STK39: variants seen among roughly 807,000 people sequenced by gnomAD.
The protein encoded by STK39 is serine/threonine kinase 39, also known as STE20/SPS1-related proline-alanine-rich protein kinase.
A neutral mutation model predicts 77.8 loss-of-function variants in STK39; 20 were observed. The ratio of observed to expected loss-of-function variants is 0.26; its 90% confidence interval spans 0.18 to 0.37. The LOEUF is 0.37. Among genes scored for constraint, STK39 ranks in the 10% least tolerant of loss-of-function variants. The probability of loss-of-function intolerance (pLI) is 1.00; values close to 1 mark genes in which losing one functional copy is unlikely to be tolerated. For synonymous variants in STK39, 246 were observed against 234.1 expected, an observed-to-expected ratio of 1.05 and a Z score of -0.47; for missense variants, 479 against 656.5, an observed-to-expected ratio of 0.73 and a Z score of 2.95.
At position 168,163,979 on chromosome 2, in the gene STK39, T is replaced by C. The variant is rs192450985; in HGVS notation, c.431-99A>G. ...AAAATTTAATAGAAACATCAAAATATGGGCTTTATTTAATGCAAATATTCC... is the reference window on the plus strand; with the variant it reads ...AAAATTTAATAGAAACATCAAAATACGGGCTTTATTTAATGCAAATATTCC... On this transcript the variant is annotated intron_variant, in intron 3 of 17. Coordinates refer to ENST00000355999, the MANE Select transcript of STK39 (RefSeq NM_013233.3). 3.5e-3 allele frequency: 5,165 copies of C among 1,455,276 alleles called. 18 individuals carry two copies. Among genetic ancestry groups the C allele is most frequent in the Middle Eastern group, 6.5e-3 (31 of 4,748 alleles). 90.1% of individuals were successfully genotyped at this position (1,455,276 alleles called of 1,614,324 possible).
chr2:168,199,287 T>C (rs1035893774), intron 1 of STK39, among the ~76,000 whole-genome samples: 2 of 152,202 alleles, frequency 1.3e-5, no homozygotes, highest in African/African-American at 2.4e-5. Flanking sequence ...TCCCTGTTTT[T>C]ATTTGCTAAC....
At chr2:168,177,379 T>C (rs1490580171) in intron 2 of STK39, among the ~76,000 whole-genome samples, 1 of 152,150 alleles carries the variant, frequency 6.6e-6, no homozygotes, top group Non-Finnish European at 1.5e-5. Flanking sequence ...TGAGGCTGAA[T>C]TTTCTGTGAA....
Position 168,056,498 on chromosome 2 carries a change from A to G in STK39, c.1376+7002T>C, listed in dbSNP as rs540986562. On this transcript the variant is annotated intron_variant, in intron 14 of 17. Coordinates refer to ENST00000355999, the MANE Select transcript of STK39 (RefSeq NM_013233.3). ...TAAGGACTGAGGAAGGGCTGGCCTGAACTAAAGTCTCCTACCTACTAGCCT... is the reference window on the plus strand; with the variant it reads ...TAAGGACTGAGGAAGGGCTGGCCTGGACTAAAGTCTCCTACCTACTAGCCT... 2.4e-4 allele frequency among the ~76,000 whole-genome samples: 36 copies of G among 152,304 alleles called. No individual in the cohort carries two copies. The South Asian group carries it at 7.1e-3, about 30-fold the overall frequency.
chr2:168,167,703 GC>G lies in STK39; in HGVS notation c.322-297del, dbSNP rs1688725059. Among the ~76,000 whole-genome samples the G allele has an allele frequency of 2.0e-5, 3 of 152,168 alleles. No homozygotes were observed. The South Asian group carries it at 6.2e-4, about 32-fold the overall frequency. On this transcript the variant is annotated intron_variant, in intron 2 of 17. Coordinates refer to ENST00000355999, the MANE Select transcript of STK39 (RefSeq NM_013233.3). ...GACCCCCCAACTCTGCCAGCAGAGA[GC>G]CCTGCCACATAGGACTAAGAGCCTC... is the stretch of plus-strand genomic sequence containing the variant.
In STK39 at chr2:168,164,534, G is replaced by A. The variant is rs138022966; in HGVS notation, c.431-654C>T. ...CGATCCTCCCACCTCAGCCTCCCAA[G>A]TAGCTGGGACTACAAGTACGTGCCA... On this transcript the variant is annotated intron_variant, in intron 3 of 17. Coordinates refer to ENST00000355999, the MANE Select transcript of STK39 (RefSeq NM_013233.3). Among the ~76,000 whole-genome samples, 992 of 152,226 alleles carry A rather than the reference G, an allele frequency of 6.5e-3. 9 individuals are homozygous for A. Among genetic ancestry groups the A allele is most frequent in the African/African-American group, 0.023 (947 of 41,550 alleles).
At chr2:168,233,422 A>C (rs1327370423) in intron 1 of STK39, among the ~76,000 whole-genome samples, 19 of 152,090 alleles carry the variant, frequency 1.2e-4, no homozygotes, top group Admixed American at 1.2e-3. Flanking sequence ...AAACCCACTT[A>C]ATCTCCCTAC....
At chr2:167,998,220 G>A (rs1490952445) in intron 16 of STK39, among the ~76,000 whole-genome samples, 2 of 152,154 alleles carry the variant, frequency 1.3e-5, no homozygotes, top group African/African-American at 4.8e-5. Context: ...CCCTCTATCC[G>A]GTTCACCCGG....
At chr2:168,119,127 T>C (rs576240482) in intron 10 of STK39, among the ~76,000 whole-genome samples, 1 of 152,268 alleles carries the variant, frequency 6.6e-6, no homozygotes, top group African/African-American at 2.4e-5. Context: ...AGGCACATGG[T>C]CGGTTTTAAG....
At chr2:168,215,493 C>T (rs926206764) in intron 1 of STK39, among the ~76,000 whole-genome samples, 1 of 152,174 alleles carries the variant, frequency 6.6e-6, no homozygotes, top group African/African-American at 2.4e-5. Flanking sequence ...CTCCTTGGAC[C>T]TTCTGACTCC....
chr2:168,146,576 C>T (rs1434650189), intron 5 of STK39, among the ~76,000 whole-genome samples: 1 of 152,158 alleles, frequency 6.6e-6, no homozygotes, highest in African/African-American at 2.4e-5. Context: ...TTCTTTTCCA[C>T]AGAGGCCATT....
chr2:168,062,344 A>G (rs1685686195), intron 14 of STK39, among the ~76,000 whole-genome samples: 1 of 152,238 alleles, frequency 6.6e-6, no homozygotes, highest in Admixed American at 6.5e-5. Context: ...TTCGAAAGTC[A>G]AACAAAAAGG....
intron 14 of STK39, among the ~76,000 whole-genome samples, chr2:168,021,974 G>T (rs762004379): frequency 2.6e-5 from 4 of 152,054 alleles, no homozygotes; most frequent in Non-Finnish European, 4.4e-5. Flanking sequence ...GCATGTACCA[G>T]CAAATATACA....
At chr2:168,207,260 TAC>T (rs1456694258) in intron 1 of STK39, among the ~76,000 whole-genome samples, 2 of 152,240 alleles carry the variant, frequency 1.3e-5, no homozygotes, top group Admixed American at 6.5e-5. Flanking sequence ...GTTGTTGCAT[TAC>T]AGTTTCAATT....
At chr2:168,189,669 T>C (rs1689291213) in intron 1 of STK39, among the ~76,000 whole-genome samples, 1 of 152,224 alleles carries the variant, frequency 6.6e-6, no homozygotes, top group Admixed American at 6.5e-5. Context: ...TGGAATTTAC[T>C]TCTAGGCATT....
intron 5 of STK39, among the ~76,000 whole-genome samples, chr2:168,147,680 G>C (rs1373196736): frequency 2.0e-5 from 3 of 152,178 alleles, no homozygotes; most frequent in Non-Finnish European, 4.4e-5. Context: ...TGGCCTTGCA[G>C]TGAGAGCTAA....
In STK39 at chr2:168,247,361, C is replaced by G. The variant is rs1690958698; in HGVS notation, c.75G>C (p.Ala25=). Residue 25 remains alanine (A), a synonymous_variant, in exon 1 of 18, where the codon GCG becomes GCC. Coordinates refer to ENST00000355999, the MANE Select transcript of STK39 (RefSeq NM_013233.3). The stretch of plus-strand genomic sequence containing the variant: ...CTGCTGTCGCGGCCGCCGGGGCCGC[C>G]GCCGCCGCCGCTGTCACCGGGGCCG... ...QQAAPVTAAA[A]AAPAAATAAP... is the part of the protein sequence containing the mutation. 9.3e-7 allele frequency: 1 copy of G among 1,075,556 alleles called. No homozygotes were observed. The highest frequency in any genetic ancestry group is 1.1e-6 in the Non-Finnish European group (1 of 887,166). 66.6% of individuals were successfully genotyped at this position (1,075,556 alleles called of 1,614,324 possible).
At position 167,954,752 on chromosome 2, in the gene STK39, T is replaced by C. The variant is rs1305162355; in HGVS notation, c.*744A>G. The C allele has an allele frequency of 2.0e-5, 3 of 152,634 alleles. No individual in the cohort carries two copies. Among genetic ancestry groups the C allele is most frequent in the African/African-American group, 7.2e-5 (3 of 41,452 alleles). 9.5% of individuals were successfully genotyped at this position (152,634 alleles called of 1,614,324 possible). On this transcript the variant is annotated 3_prime_UTR_variant, in exon 18 of 18. Transcript: ENST00000355999. ...TCCCAAGAGACAGTCAGATTGTAAA[T>C]TGGTTTTTAGGCAAACAGACTAAAA...
chr2:168,055,366 T>A (rs1343560410), intron 14 of STK39, among the ~76,000 whole-genome samples: 1 of 152,248 alleles, frequency 6.6e-6, no homozygotes, highest in East Asian at 1.9e-4. Flanking sequence ...GTCTATTCTT[T>A]ACAAATAGCT....
rs140268762 is a variant in STK39 at position 168,162,824 on chromosome 2, G to C, written c.572+915C>G. ...GGGCAGATCATCTGGGATCAAGAGT[G>C]TCAGTCCAGCCTGGCCAACATGGTG... On this transcript the variant is annotated intron_variant, in intron 4 of 17. Coordinates refer to ENST00000355999, the MANE Select transcript of STK39 (RefSeq NM_013233.3). Among the ~76,000 whole-genome samples the C allele has an allele frequency of 9.3e-4, 142 of 151,938 alleles. 3 individuals are homozygous for C. The highest frequency in any genetic ancestry group is 4.5e-3 in the East Asian group (23 of 5,152).
Sources: allele counts gnomAD v4.1 joint callset (sites outside exome capture counted in the v4.1 genomes callset), GRCh38; gene constraint gnomAD v4.1.1; transcripts MANE v1.5; gene names NCBI Gene and HGNC (gene_info 2026-07-23, HGNC 2026-07-21).